The following CATSPERB variants were observed in gnomAD, a reference collection of about 807,000 sequenced individuals.
CATSPERB encodes cation channel sperm-associated auxiliary subunit beta.
In CATSPERB, 93 loss-of-function variants were observed where a neutral mutation model predicts 128.3. That is an observed-to-expected ratio of 0.72 (90% CI 0.61 to 0.86). CATSPERB has a LOEUF of 0.86. Ranked by LOEUF, CATSPERB falls within the 40% of genes least tolerant of loss-of-function variation. The probability of loss-of-function intolerance (pLI) is 0.00; values close to 1 mark genes in which losing one functional copy is unlikely to be tolerated. For missense variants in CATSPERB, 1,153 were observed against 1,329.5 expected (o/e 0.87, Z 2.06); for synonymous variants, 381 against 448.8 (o/e 0.85, Z 1.91).
intron 22 of CATSPERB, among the ~76,000 whole-genome samples, chr14:91,605,762 G>T (rs769311971): frequency 2.2e-4 from 33 of 152,000 alleles, no homozygotes; most frequent in Non-Finnish European, 4.1e-4. Flanking sequence ...CCTTTGTTTG[G>T]TTAACCCCTA....
chr14:91,654,028 T>A (rs1203129064), intron 15 of CATSPERB, among the ~76,000 whole-genome samples: 2 of 151,554 alleles, frequency 1.3e-5, no homozygotes, highest in African/African-American at 4.9e-5. Flanking sequence ...ATGAACTTGA[T>A]GGAAACAGGA....
chr14:91,626,674 C>T (rs1005388560), intron 17 of CATSPERB, among the ~76,000 whole-genome samples: 2 of 152,074 alleles, frequency 1.3e-5, no homozygotes, highest in African/African-American at 4.8e-5. Context: ...CATGGGATGA[C>T]GGAGCATGAG....
chr14:91,696,639 C>T (rs144492729), intron 7 of CATSPERB, among the ~76,000 whole-genome samples: 34 of 151,962 alleles, frequency 2.2e-4, no homozygotes, highest in African/African-American at 3.6e-4. Context: ...GTGAGATAAA[C>T]GAAGGTTTTG....
chr14:91,707,575 CTTTTTTTTTTTTTTTTTTTTTTTT>C (rs539712771), intron 6 of CATSPERB, among the ~76,000 whole-genome samples: 2 of 58,254 alleles, frequency 3.4e-5, no homozygotes, highest in Non-Finnish European at 6.1e-5. Flanking sequence ...TATGTACTTC[CTTTTTTTTTTTTTTTTTTTTTTTT>C]TTTTTTTTTT....
intron 15 of CATSPERB, among the ~76,000 whole-genome samples, chr14:91,657,292 C>T (rs1157593929): frequency 6.6e-6 from 1 of 152,072 alleles, no homozygotes; most frequent in African/African-American, 2.4e-5. Flanking sequence ...CCATCCATAT[C>T]CATATGCAGA....
At chr14:91,581,181 C>A in intron 26 of CATSPERB, 74 bp from the exon 27 acceptor site, 1 of 1,217,340 alleles carries the variant, frequency 8.2e-7, no homozygotes, top group Non-Finnish European at 1.2e-6. Context: ...TAATGTTCCC[C>A]ACAATTAATC....
At chr14:91,587,096 A>G (rs2139756099) in intron 26 of CATSPERB, 106 bp downstream of exon 26, 1 of 804,054 alleles carries the variant, frequency 1.2e-6, no homozygotes, top group South Asian at 1.9e-5. Flanking sequence ...AGCCTTGTCC[A>G]TCACACAAAT....
At position 91,617,689 on chromosome 14, in the gene CATSPERB, G is replaced by T; in HGVS notation, c.2308C>A (p.Pro770Thr). The T allele has an allele frequency of 8.8e-6, 14 of 1,599,746 alleles. No homozygotes were observed. Among genetic ancestry groups the T allele is most frequent in the Non-Finnish European group, 1.1e-5 (13 of 1,174,852 alleles). ...TCAGCTGTAACTTCCAACAAATTAG[G>T]GTTTCCAACAAACACAGTCAGTAGT... is the stretch of plus-strand genomic sequence containing the variant. ...IPLLTVFVGN[P>T]NLLEVTAEVT... Residue 770 changes from proline to threonine, a missense_variant, in exon 20 of 27, where the codon CCT becomes ACT. Pro to Thr is a conservative substitution (Grantham distance 38, BLOSUM62 -1). Transcript: ENST00000256343.
chr14:91,669,445 G>A (rs1374977957), intron 14 of CATSPERB, among the ~76,000 whole-genome samples: 2 of 152,158 alleles, frequency 1.3e-5, no homozygotes, highest in Admixed American at 6.5e-5. Context: ...AGAAAGTCAA[G>A]CTCAAAGTCA....
At chr14:91,725,301 G>C (rs1298182695) in intron 2 of CATSPERB, 133 bp from the exon 3 acceptor site, 1 of 442,028 alleles carries the variant, frequency 2.3e-6, no homozygotes, top group African/African-American at 2.0e-5. Context: ...TTCACTTTAG[G>C]TAAAATTCAA....
chr14:91,728,042 A>AT (rs1271363816), intron 2 of CATSPERB, among the ~76,000 whole-genome samples: 1 of 152,200 alleles, frequency 6.6e-6, no homozygotes, highest in African/African-American at 2.4e-5. Context: ...CACCTCTGAA[A>AT]TGCATGGGCT....
intron 11 of CATSPERB, among the ~76,000 whole-genome samples, chr14:91,676,829 A>G (rs946840715): frequency 5.3e-5 from 8 of 152,212 alleles, no homozygotes; most frequent in African/African-American, 1.9e-4. Flanking sequence ...ACTATACTAC[A>G]AGTCTACAGT....
chr14:91,689,255 C>T (rs1370956338), intron 10 of CATSPERB, among the ~76,000 whole-genome samples: 1 of 152,222 alleles, frequency 6.6e-6, no homozygotes, highest in Non-Finnish European at 1.5e-5. Flanking sequence ...AGCCAAACTC[C>T]CTCCAGAATC....
At chr14:91,704,468 G>C (rs1895703371) in intron 7 of CATSPERB, 84 bp downstream of exon 7, 1 of 1,382,690 alleles carries the variant, frequency 7.2e-7, no homozygotes, top group African/African-American at 1.5e-5. Flanking sequence ...CTATGTCTAT[G>C]CATTTATTTC....
At chr14:91,664,884 A>C (rs1203929010) in intron 14 of CATSPERB, among the ~76,000 whole-genome samples, 1 of 152,150 alleles carries the variant, frequency 6.6e-6, no homozygotes, top group African/African-American at 2.4e-5. Context: ...CAAAACACAC[A>C]TAAATTGATT....
At chr14:91,600,305 A>G (rs138306984) in intron 22 of CATSPERB, among the ~76,000 whole-genome samples, 54 of 152,332 alleles carry the variant, frequency 3.5e-4, no homozygotes, top group African/African-American at 1.2e-3. Flanking sequence ...TATTATAGCT[A>G]TTCTAATGAC....
chr14:91,664,568 G>C (rs764962034), intron 14 of CATSPERB, among the ~76,000 whole-genome samples: 14 of 152,030 alleles, frequency 9.2e-5, no homozygotes, highest in Non-Finnish European at 4.4e-5. Flanking sequence ...TACATGGCTT[G>C]ATAACTCATT....
intron 14 of CATSPERB, 37 bp from the exon 15 acceptor site, chr14:91,660,018 T>A: frequency 6.5e-7 from 1 of 1,533,392 alleles, no homozygotes; most frequent in Non-Finnish European, 8.7e-7. Flanking sequence ...ACTAAAGGGC[T>A]GCCATGCAAC....
intron 5 of CATSPERB, 99 bp from the exon 6 acceptor site, chr14:91,708,335 C>A (rs920832905): frequency 1.4e-6 from 1 of 692,576 alleles, no homozygotes; most frequent in South Asian, 1.8e-5. Flanking sequence ...GATAGCCTTT[C>A]CTTTTCCAAC....
Sources: gnomAD v4.1 joint callset for allele counts (sites outside exome capture counted in the v4.1 genomes callset) on GRCh38, gnomAD v4.1.1 for gene constraint, MANE v1.5 for transcripts, NCBI Gene and HGNC (gene_info 2026-07-23, HGNC 2026-07-21) for gene names.